Variants in TRPC4 observed in about 807,000 individuals in gnomAD.
TRPC4 encodes the protein short transient receptor potential channel 4.
A neutral mutation model predicts 99.4 loss-of-function variants in TRPC4; 49 were observed. That is an observed-to-expected ratio of 0.49 (90% CI 0.39 to 0.63). The LOEUF is 0.63. TRPC4 is among the 20% of genes least tolerant of loss of function. TRPC4 has a pLI of 0.00. For missense variants in TRPC4, 898 were observed against 1,152.9 expected, an observed-to-expected ratio of 0.78 and a Z score of 3.20; for synonymous variants, 454 against 425.9, an observed-to-expected ratio of 1.07 and a Z score of -0.81.
chr13:37,714,865 TA>T (rs1203579597), intron 3 of TRPC4, among the ~76,000 whole-genome samples: 1 of 152,214 alleles, frequency 6.6e-6, no homozygotes, highest in Non-Finnish European at 1.5e-5. Flanking sequence ...TTTGAGCCAT[TA>T]TTTTTTATAA....
Position 37,663,563 on chromosome 13 carries a change from A to G in TRPC4, c.1541T>C (p.Leu514Pro). Reference sequence around the variant, plus strand: ...TATGAATAGAAACTTCAAAATGTCCAGGAGCATTCTTCCCAGAGATATTTG... The same window carrying G: ...TATGAATAGAAACTTCAAAATGTCCGGGAGCATTCTTCCCAGAGATATTTG... Reference protein sequence around the residue: ...PLQISLGRMLLDILKFLFIYC... With the variant: ...PLQISLGRMLPDILKFLFIYC... The change falls in exon 6 of 11, where the codon CTG (leucine) becomes CCG (proline). Residue 514 changes from leucine to proline, a missense_variant. Physicochemically the swap from Leu to Pro is moderately conservative, Grantham distance 98 (BLOSUM62 -3). Coordinates refer to ENST00000379705, the MANE Select transcript of TRPC4 (RefSeq NM_016179.4). 1 of 1,614,232 alleles carries G rather than the reference A, an allele frequency of 6.2e-7. No homozygotes were observed. The highest frequency in any genetic ancestry group is 8.5e-7 in the Non-Finnish European group (1 of 1,180,028).
chr13:37,676,737 A>G (rs1278186707), intron 4 of TRPC4, among the ~76,000 whole-genome samples: 1 of 152,100 alleles, frequency 6.6e-6, no homozygotes, highest in East Asian at 1.9e-4. Flanking sequence ...TATATACAAC[A>G]CAAATAGCTC....
At chr13:37,725,079 A>G (rs1955004164) in intron 3 of TRPC4, among the ~76,000 whole-genome samples, 1 of 152,178 alleles carries the variant, frequency 6.6e-6, no homozygotes, top group African/African-American at 2.4e-5. Flanking sequence ...AAAAGAAACA[A>G]AAAATAAATT....
At chr13:37,862,404 G>A (rs1959413264) in intron 1 of TRPC4, among the ~76,000 whole-genome samples, 1 of 151,464 alleles carries the variant, frequency 6.6e-6, no homozygotes, top group Admixed American at 6.6e-5. Flanking sequence ...GTTTTTAATA[G>A]TGTCAATAAT....
intron 3 of TRPC4, among the ~76,000 whole-genome samples, chr13:37,709,723 C>T (rs141965427): frequency 6.6e-6 from 1 of 152,086 alleles, no homozygotes; most frequent in Non-Finnish European, 1.5e-5. Context: ...ATGGGATCAA[C>T]TATAATATAA....
At chr13:37,670,347 G>A (rs1378558326) in intron 5 of TRPC4, among the ~76,000 whole-genome samples, 1 of 152,080 alleles carries the variant, frequency 6.6e-6, no homozygotes, top group Non-Finnish European at 1.5e-5. Context: ...TTTTTTGTAG[G>A]ATGATACAGT....
At chr13:37,675,626 C>A (rs1953020215) in intron 4 of TRPC4, among the ~76,000 whole-genome samples, 1 of 152,174 alleles carries the variant, frequency 6.6e-6, no homozygotes, top group Non-Finnish European at 1.5e-5. Context: ...ACACTTTAGC[C>A]TTGTGGAAGA....
intron 5 of TRPC4, among the ~76,000 whole-genome samples, chr13:37,673,725 A>G (rs1401627359): frequency 6.6e-6 from 1 of 152,186 alleles, no homozygotes; most frequent in East Asian, 1.9e-4. Context: ...AGGCACTGTC[A>G]TGTTGAATGG....
chr13:37,796,187 C>T (rs115316901), intron 1 of TRPC4, among the ~76,000 whole-genome samples: 339 of 152,254 alleles, frequency 2.2e-3, no homozygotes, highest in African/African-American at 7.6e-3. Flanking sequence ...ACTTTAACTT[C>T]AGGCACCTGT....
rs1421415644 is a variant in TRPC4 at position 37,796,933 on chromosome 13, A to ATAAAATAAAATAAAATAAAATAAAG, written c.-27-13574_-27-13573insCTTTATTTTATTTTATTTTATTTTA. Among the ~76,000 whole-genome samples, 1,102 of 119,508 alleles carry ATAAAATAAAATAAAATAAAATAAAG rather than the reference A, an allele frequency of 9.2e-3. 21 individuals are homozygous for ATAAAATAAAATAAAATAAAATAAAG. The highest frequency in any genetic ancestry group is 0.014 in the Non-Finnish European group (807 of 56,244). 78.4% of individuals were successfully genotyped at this position (119,508 alleles called of 152,430 possible). On this transcript the variant is annotated intron_variant, in intron 1 of 10. Transcript: ENST00000379705. ...CATAGCAAAACTCCTCTCTACAAAA[A>ATAAAATAAAATAAAATAAAATAAAG]TAAAATAAAATAAAATAAAATAAAA... is the stretch of plus-strand genomic sequence containing the variant.
chr13:37,824,379 TG>T (rs1261827029), intron 1 of TRPC4, among the ~76,000 whole-genome samples: 1 of 150,880 alleles, frequency 6.6e-6, no homozygotes, highest in Non-Finnish European at 1.5e-5. Context: ...TTCCAGTTTT[TG>T]CCCATTCAGT....
At chr13:37,812,622 A>G (rs1050056410) in intron 1 of TRPC4, among the ~76,000 whole-genome samples, 30 of 152,102 alleles carry the variant, frequency 2.0e-4, no homozygotes, top group African/African-American at 6.8e-4. Context: ...GAGCATTATT[A>G]AGCTGTGGAA....
In TRPC4 at chr13:37,790,231, T is replaced by G. The variant is rs2139383279; in HGVS notation, c.-27-6871A>C. Among the ~76,000 whole-genome samples the G allele has an allele frequency of 1.3e-5, 2 of 152,236 alleles. 1 individual carries two copies. The highest frequency in any genetic ancestry group is 6.8e-3 in the Middle Eastern group (2 of 294). On this transcript the variant is annotated intron_variant, in intron 1 of 10. Coordinates refer to ENST00000379705, the MANE Select transcript of TRPC4 (RefSeq NM_016179.4). The stretch of plus-strand genomic sequence containing the variant: ...TGAAATAATAGAGTATAAGGACTAT[T>G]TTTATTAGTAATGACCAACAACTTT...
chr13:37,638,995 T>C (rs772182979), intron 10 of TRPC4, 45 bp downstream of exon 10: 2 of 1,584,670 alleles, frequency 1.3e-6, no homozygotes, highest in Non-Finnish European at 1.7e-6. Context: ...TCTGGATCCA[T>C]ATTCTGCACA....
chr13:37,789,215 T>C (rs1025841272), intron 1 of TRPC4, among the ~76,000 whole-genome samples: 10 of 152,172 alleles, frequency 6.6e-5, no homozygotes, highest in Admixed American at 3.3e-4. Context: ...CAGGCAAGTT[T>C]ATTTTACACT....
At chr13:37,781,974 T>A (rs1956853347) in intron 2 of TRPC4, among the ~76,000 whole-genome samples, 1 of 152,068 alleles carries the variant, frequency 6.6e-6, no homozygotes, top group South Asian at 2.1e-4. Context: ...GACCGAGATG[T>A]GTATATTATC....
At chr13:37,802,460 A>G (rs1331032745) in intron 1 of TRPC4, among the ~76,000 whole-genome samples, 1 of 152,098 alleles carries the variant, frequency 6.6e-6, no homozygotes, top group African/African-American at 2.4e-5. Context: ...CAGATATTCT[A>G]TAGAATGTCC....
At chr13:37,771,786 A>C (rs1956556591) in intron 2 of TRPC4, among the ~76,000 whole-genome samples, 1 of 151,772 alleles carries the variant, frequency 6.6e-6, no homozygotes, top group Non-Finnish European at 1.5e-5. Context: ...GTAGAAGAAA[A>C]AAAGGAATCC....
intron 4 of TRPC4, among the ~76,000 whole-genome samples, chr13:37,677,072 A>G (rs1297324052): frequency 6.6e-6 from 1 of 152,062 alleles, no homozygotes; most frequent in Admixed American, 6.5e-5. Context: ...TGACATTAGC[A>G]CAGAAGATGA....
Sources: allele counts gnomAD v4.1 joint callset (sites outside exome capture counted in the v4.1 genomes callset), GRCh38; gene constraint gnomAD v4.1.1; transcripts MANE v1.5; gene names NCBI Gene and HGNC (gene_info 2026-07-23, HGNC 2026-07-21).